Variants in USP34 observed in about 807,000 individuals in gnomAD.
USP34 encodes the protein ubiquitin specific peptidase 34.
USP34 carries 70 observed loss-of-function variants against 460.3 expected under a neutral mutation model. The ratio of observed to expected loss-of-function variants is 0.15; its 90% CI spans 0.13 to 0.19. The LOEUF is 0.19. Among genes scored for constraint, USP34 ranks in the 10% least tolerant of loss-of-function variants. The probability of loss-of-function intolerance (pLI) is 1.00; values close to 1 mark genes in which losing one functional copy is unlikely to be tolerated. For missense variants in USP34, 3,985 were observed against 4,236.2 expected, an observed-to-expected ratio of 0.94 and a Z score of 1.65; for synonymous variants, 1,647 against 1,405.3, an observed-to-expected ratio of 1.17 and a Z score of -3.85.
intron 12 of USP34, 90 bp downstream of exon 12, chr2:61,350,170 A>G: frequency 7.4e-7 from 1 of 1,347,680 alleles, no homozygotes; most frequent in South Asian, 1.5e-5. Flanking sequence ...TTTTAAAATA[A>G]AGATTGAACT....
chr2:61,295,065 G>A (rs1254390624), intron 31 of USP34, 33 bp from the exon 32 acceptor site: 15 of 1,603,680 alleles, frequency 9.4e-6, no homozygotes, highest in Middle Eastern at 1.7e-4. Context: ...AAGGCAGAAT[G>A]GCGGAAGAAA....
In USP34 at chr2:61,319,314, C is replaced by G. The variant is rs766065330; in HGVS notation, c.3027G>C (p.Glu1009Asp). The change falls in exon 22 of 80, where the codon GAG becomes GAC. Residue 1009 changes from glutamate (E) to aspartate (D), a missense_variant. Transcript: ENST00000398571. ...GSPDHFRLSLEQVDILWHCLV... is the reference protein window; with the variant it reads ...GSPDHFRLSLDQVDILWHCLV... ...AACAATGCCATAAGATGTCAACTTG[C>G]TCTAAACTTAACCCTAGATAAAAAT... The G allele has an allele frequency of 3.9e-6, 6 of 1,550,428 alleles. No homozygotes were observed. Among genetic ancestry groups the G allele is most frequent in the South Asian group, 1.3e-5 (1 of 78,098 alleles).
At chr2:61,336,539 G>C (rs1225317768) in intron 18 of USP34, among the ~76,000 whole-genome samples, 1 of 151,244 alleles carries the variant, frequency 6.6e-6, no homozygotes. Flanking sequence ...GCTGGGTGCA[G>C]TGGCTCACGC....
intron 27 of USP34, among the ~76,000 whole-genome samples, chr2:61,308,294 C>T (rs577886458): frequency 3.9e-5 from 6 of 152,018 alleles, no homozygotes; most frequent in African/African-American, 1.4e-4. Flanking sequence ...AAATGTTAAT[C>T]TCAAAAAGAT....
At chr2:61,278,550 C>T in intron 39 of USP34, 107 bp from the exon 40 acceptor site, 2 of 842,462 alleles carry the variant, frequency 2.4e-6, no homozygotes. Context: ...TTAGTTCTCC[C>T]AAATTCAATA....
rs769958339 is a variant in USP34 at position 61,223,240 on chromosome 2, T to G, written c.7644+8A>C. 3 of 1,613,980 alleles carry G rather than the reference T, an allele frequency of 1.9e-6. No individual in the cohort carries two copies. Among genetic ancestry groups the G allele is most frequent in the Non-Finnish European group, 2.5e-6 (3 of 1,179,922 alleles). On this transcript the variant is annotated splice_region_variant and intron_variant, in intron 63 of 79. Transcript: ENST00000398571. ...GATCAAATTGTCTAATATTAGAGAA[T>G]GTACTACCTTTCCTCCTGTTAATGC...
chr2:61,226,853 A>G (rs1373744574), intron 62 of USP34: 1 of 507,322 alleles, frequency 2.0e-6, no homozygotes, highest in Non-Finnish European at 3.2e-6. Flanking sequence ...TAGATGAAGT[A>G]AAAGTTTGGT....
intron 12 of USP34, 31 bp downstream of exon 12, chr2:61,350,229 A>C: frequency 1.3e-6 from 2 of 1,565,130 alleles, no homozygotes; most frequent in Non-Finnish European, 1.7e-6. Flanking sequence ...AGCTCTCAAC[A>C]ATTTACTTCA....
At chr2:61,199,895 G>C (rs72811450) in intron 75 of USP34, 22,205 of 152,302 alleles carry the variant, frequency 0.15, 2,173 homozygotes, top group South Asian at 0.35. Context: ...GTGATATCTT[G>C]ATATTTATCT....
chr2:61,213,930 A>G, intron 68 of USP34, 130 bp downstream of exon 68: 1 of 1,124,856 alleles, frequency 8.9e-7, no homozygotes, highest in Non-Finnish European at 1.2e-6. Context: ...TAAGAAAACA[A>G]ATACACATTA....
intron 1 of USP34, among the ~76,000 whole-genome samples, chr2:61,467,138 AC>A (rs1478661217): frequency 6.6e-6 from 1 of 151,828 alleles, no homozygotes; most frequent in Non-Finnish European, 1.5e-5. Flanking sequence ...CCCCGTTTCT[AC>A]TAAAAATACA....
chr2:61,238,666 A>C, intron 53 of USP34, among the ~76,000 whole-genome samples: 1 of 152,292 alleles, frequency 6.6e-6, no homozygotes, highest in East Asian at 1.9e-4. Flanking sequence ...TTACATTTTA[A>C]ATTTAATTTT....
intron 2 of USP34, among the ~76,000 whole-genome samples, chr2:61,408,233 G>A (rs1441215753): frequency 6.6e-6 from 1 of 152,046 alleles, no homozygotes; most frequent in Non-Finnish European, 1.5e-5. Flanking sequence ...ACTATGACCT[G>A]GCCAACACCT....
chr2:61,396,491 A>AT (rs5831608), intron 3 of USP34, among the ~76,000 whole-genome samples: 13 of 145,642 alleles, frequency 8.9e-5, no homozygotes, highest in East Asian at 4.0e-4. Context: ...ATTCCAGCTA[A>AT]TTTTTTTTTT....
At chr2:61,332,255 G>A (rs946055310) in intron 19 of USP34, among the ~76,000 whole-genome samples, 5 of 151,942 alleles carry the variant, frequency 3.3e-5, no homozygotes, top group South Asian at 4.2e-4. Flanking sequence ...GAGATAATAT[G>A]TACTAAATAT....
intron 1 of USP34, among the ~76,000 whole-genome samples, chr2:61,461,696 G>GA (rs1695605247): frequency 6.6e-6 from 1 of 152,094 alleles, no homozygotes; most frequent in Non-Finnish European, 1.5e-5. Context: ...CAAGACAGGT[G>GA]AAAGTGCCCT....
intron 1 of USP34, among the ~76,000 whole-genome samples, chr2:61,447,725 T>C (rs906792410): frequency 6.6e-6 from 1 of 152,176 alleles, no homozygotes; most frequent in South Asian, 2.1e-4. Context: ...CTTTTATTTA[T>C]TTATTTATTT....
intron 58 of USP34, among the ~76,000 whole-genome samples, chr2:61,231,533 G>T (rs547650861): frequency 1.3e-5 from 2 of 152,132 alleles, no homozygotes; most frequent in African/African-American, 4.8e-5. Context: ...GGCAACAGGG[G>T]AGAGACACTC....
intron 5 of USP34, among the ~76,000 whole-genome samples, chr2:61,393,018 T>G (rs1008149957): frequency 6.6e-6 from 1 of 152,238 alleles, no homozygotes; most frequent in Admixed American, 6.5e-5. Context: ...CACCAGTTAC[T>G]ACACACTTTA....
Sources: allele counts gnomAD v4.1 joint callset (sites outside exome capture counted in the v4.1 genomes callset), GRCh38; gene constraint gnomAD v4.1.1; transcripts MANE v1.5; gene names NCBI Gene and HGNC (gene_info 2026-07-23, HGNC 2026-07-21).